The following GADL1 variants were observed in gnomAD, a reference collection of about 807,000 sequenced individuals.
GADL1 encodes the protein GAD like acidic amino acid decarboxylase 1.
GADL1 carries 71 observed loss-of-function variants against 69.5 expected under a neutral mutation model. The ratio of observed to expected loss-of-function variants is 1.02; its 90% CI spans 0.84 to 1.25. GADL1 has a LOEUF of 1.25. Ranked by LOEUF, GADL1 falls within the 50% of genes most tolerant of loss-of-function variation. The pLI is 0.00. For missense variants in GADL1, 737 were observed against 631.8 expected (o/e 1.17, Z -1.79); for synonymous variants, 254 against 214.4 (o/e 1.18, Z -1.62).
chr3:30,831,404 C>T (rs1231858469), intron 11 of GADL1, among the ~76,000 whole-genome samples: 1 of 151,870 alleles, frequency 6.6e-6, no homozygotes, highest in Non-Finnish European at 1.5e-5. Context: ...TACTGAAGTA[C>T]TATACTCTTC....
intron 14 of GADL1, among the ~76,000 whole-genome samples, chr3:30,753,795 TA>T (rs1489960336): frequency 6.6e-6 from 1 of 152,216 alleles, no homozygotes; most frequent in African/African-American, 2.4e-5. Context: ...AAGATTTATC[TA>T]ATTCATAAAT....
At chr3:30,763,569 T>C (rs1450185442) in intron 14 of GADL1, among the ~76,000 whole-genome samples, 7 of 151,906 alleles carry the variant, frequency 4.6e-5, no homozygotes, top group African/African-American at 1.5e-4. Context: ...CTACCAAATA[T>C]CACCACTTAG....
chr3:30,768,058 A>G (rs938843155), intron 14 of GADL1, among the ~76,000 whole-genome samples: 1 of 143,284 alleles, frequency 7.0e-6, no homozygotes, highest in Non-Finnish European at 1.5e-5. Context: ...TTATCCTTAT[A>G]ACACCCAATG....
intron 11 of GADL1, among the ~76,000 whole-genome samples, chr3:30,809,217 C>T (rs2125511464): frequency 6.6e-6 from 1 of 152,220 alleles, no homozygotes. Context: ...GTCTTTAATT[C>T]ATTTCTTTAC....
intron 14 of GADL1, among the ~76,000 whole-genome samples, chr3:30,733,949 C>T (rs17414158): frequency 0.011 from 1,698 of 152,244 alleles, 16 homozygotes; most frequent in Non-Finnish European, 0.017. Context: ...CAGAGTTTTT[C>T]CTGTCTCACT....
intron 1 of GADL1, among the ~76,000 whole-genome samples, chr3:30,878,885 G>T (rs909845655): frequency 6.6e-6 from 1 of 151,792 alleles, no homozygotes; most frequent in Non-Finnish European, 1.5e-5. Context: ...GTCCAATCTG[G>T]TTAAAACATG....
intron 1 of GADL1, among the ~76,000 whole-genome samples, chr3:30,867,029 C>T (rs753046038): frequency 6.6e-6 from 1 of 151,968 alleles, no homozygotes; most frequent in Non-Finnish European, 1.5e-5. Flanking sequence ...TTGATCACTC[C>T]CAAGTTCTCT....
At chr3:30,775,259 C>T (rs890695640) in intron 14 of GADL1, among the ~76,000 whole-genome samples, 5 of 152,298 alleles carry the variant, frequency 3.3e-5, no homozygotes, top group South Asian at 2.1e-4. Flanking sequence ...GAAGATTTAT[C>T]GCACCAGCGA....
chr3:30,813,784 A>C (rs1158454), intron 11 of GADL1, among the ~76,000 whole-genome samples: 43,062 of 152,124 alleles, frequency 0.28, 7,510 homozygotes, highest in African/African-American at 0.49. Context: ...ACATTACTAT[A>C]ATCATGAGCA....
At chr3:30,758,885 T>C (rs985963514) in intron 14 of GADL1, among the ~76,000 whole-genome samples, 1 of 152,216 alleles carries the variant, frequency 6.6e-6, no homozygotes. Flanking sequence ...TCCAGTGGAA[T>C]ATATAGGGGA....
At chr3:30,859,597 T>C (rs1325577346) in intron 2 of GADL1, among the ~76,000 whole-genome samples, 2 of 151,942 alleles carry the variant, frequency 1.3e-5, no homozygotes, top group African/African-American at 2.4e-5. Flanking sequence ...ATCGTAGTAA[T>C]AGTTATGACT....
chr3:30,801,056 T>C lies in GADL1; in HGVS notation c.1083A>G (p.Ala361=), dbSNP rs1452670095. The C allele has an allele frequency of 3.1e-6, 5 of 1,613,804 alleles. No individual in the cohort carries two copies. Among genetic ancestry groups the C allele is most frequent in the Non-Finnish European group, 4.2e-6 (5 of 1,179,900 alleles). The change falls in exon 12 of 15, where the codon GCA becomes GCG. Residue 361 remains alanine (A), a synonymous_variant. Coordinates refer to ENST00000282538, the MANE Select transcript of GADL1 (RefSeq NM_207359.3). The part of the protein sequence containing the change: ...DLLKKCYSAK[A]SYLFQQDKFY... ...ATTTATCCTGCTGGAAGAGGTAAGA[T>C]GCCTTGGCAGAGTAGCATTTTTTAA...
At position 30,804,707 on chromosome 3, in the gene GADL1, T is replaced by C. The variant is rs117655377; in HGVS notation, c.1051-3619A>G. 3.1e-3 allele frequency among the ~76,000 whole-genome samples: 474 copies of C among 152,348 alleles called. 15 individuals are homozygous for C. The East Asian group carries it at 0.072, about 23-fold the overall frequency. On this transcript the variant is annotated intron_variant, in intron 11 of 14. Coordinates refer to ENST00000282538, the MANE Select transcript of GADL1 (RefSeq NM_207359.3). ...CCCCTTGGCTATGAATCCCTACTTG[T>C]CCATGCTATATTCAGAAGTGAATCC...
chr3:30,745,152 T>C (rs1262970530), intron 14 of GADL1, among the ~76,000 whole-genome samples: 1 of 152,190 alleles, frequency 6.6e-6, no homozygotes, highest in African/African-American at 2.4e-5. Flanking sequence ...CTTAATGAAT[T>C]CCAGCTTCTT....
intron 1 of GADL1, among the ~76,000 whole-genome samples, chr3:30,884,781 T>A (rs1698682535): frequency 6.6e-6 from 1 of 152,116 alleles, no homozygotes; most frequent in Non-Finnish European, 1.5e-5. Flanking sequence ...TGTATACATA[T>A]AATTCAATGT....
intron 1 of GADL1, among the ~76,000 whole-genome samples, chr3:30,891,612 G>A (rs1169792236): frequency 6.6e-6 from 1 of 151,716 alleles, no homozygotes; most frequent in Non-Finnish European, 1.5e-5. Flanking sequence ...AACGCCCAGA[G>A]CTGATCTTTA....
At chr3:30,879,002 C>G (rs1459572180) in intron 1 of GADL1, among the ~76,000 whole-genome samples, 2 of 151,882 alleles carry the variant, frequency 1.3e-5, no homozygotes, top group Non-Finnish European at 2.9e-5. Context: ...TTGATGACTT[C>G]TAGGTATGTG....
intron 11 of GADL1, among the ~76,000 whole-genome samples, chr3:30,809,080 A>T (rs1697309338): frequency 6.6e-6 from 1 of 152,164 alleles, no homozygotes; most frequent in African/African-American, 2.4e-5. Context: ...GCCAGGACTC[A>T]TTTCCTGAGT....
At chr3:30,787,029 C>T (rs1696808147) in intron 12 of GADL1, among the ~76,000 whole-genome samples, 1 of 152,068 alleles carries the variant, frequency 6.6e-6, no homozygotes, top group African/African-American at 2.4e-5. Context: ...GGGAGCAACA[C>T]ACACTAGGGC....
Sources: gnomAD v4.1 joint callset for allele counts (sites outside exome capture counted in the v4.1 genomes callset) on GRCh38, gnomAD v4.1.1 for gene constraint, MANE v1.5 for transcripts, NCBI Gene and HGNC (gene_info 2026-07-23, HGNC 2026-07-21) for gene names.